Variants in PTPRK observed in about 807,000 individuals in gnomAD.
PTPRK encodes receptor-type tyrosine-protein phosphatase kappa.
A neutral mutation model predicts 178.0 loss-of-function variants in PTPRK; 75 were observed. That is an observed-to-expected ratio of 0.42 (90% CI 0.35 to 0.51). The LOEUF (loss-of-function observed/expected upper bound fraction) is 0.51. PTPRK is among the 20% of genes least tolerant of loss of function. The probability of loss-of-function intolerance (pLI) is 0.02; values close to 1 mark genes in which losing one functional copy is unlikely to be tolerated. For synonymous variants in PTPRK, 637 were observed against 620.6 expected, an observed-to-expected ratio of 1.03 and a Z score of -0.39; for missense variants, 1,441 against 1,797.8, an observed-to-expected ratio of 0.80 and a Z score of 3.59.
intron 7 of PTPRK, among the ~76,000 whole-genome samples, chr6:128,142,501 A>C (rs9402020): frequency 3.9e-5 from 5 of 129,404 alleles, no homozygotes; most frequent in Non-Finnish European, 1.7e-5. Context: ...AAATTCTCCC[A>C]TGTGTGTGTG....
chr6:128,100,430 T>C (rs1018680405), intron 7 of PTPRK, among the ~76,000 whole-genome samples: 2 of 152,026 alleles, frequency 1.3e-5, no homozygotes, highest in African/African-American at 4.8e-5. Flanking sequence ...ATTCTCACTT[T>C]AAAAGCTTTC....
At chr6:128,214,513 A>T (rs1024306784) in intron 6 of PTPRK, among the ~76,000 whole-genome samples, 1 of 152,072 alleles carries the variant, frequency 6.6e-6, no homozygotes, top group Non-Finnish European at 1.5e-5. Flanking sequence ...TCTACTGGAC[A>T]TACTAGCTGT....
intron 2 of PTPRK, among the ~76,000 whole-genome samples, chr6:128,354,977 A>C (rs541796570): frequency 6.6e-6 from 1 of 152,368 alleles, no homozygotes; most frequent in East Asian, 1.9e-4. Flanking sequence ...CAAATATTTT[A>C]CAGAAACCAG....
At chr6:128,417,162 T>C (rs558322121) in intron 1 of PTPRK, among the ~76,000 whole-genome samples, 31 of 152,134 alleles carry the variant, frequency 2.0e-4, no homozygotes, top group Middle Eastern at 3.4e-3. Flanking sequence ...TTCCTTTTTT[T>C]TCTTGAGCTA....
intron 7 of PTPRK, among the ~76,000 whole-genome samples, chr6:128,167,416 A>G (rs1018724440): frequency 1.6e-4 from 25 of 151,942 alleles, no homozygotes; most frequent in Admixed American, 1.4e-3. Flanking sequence ...GGAATGTATA[A>G]AATTGTTTTC....
intron 13 of PTPRK, among the ~76,000 whole-genome samples, chr6:128,032,083 C>T (rs1391363149): frequency 6.6e-6 from 1 of 152,208 alleles, no homozygotes; most frequent in Non-Finnish European, 1.5e-5. Flanking sequence ...GCTGTGTCTG[C>T]TCTGATCGCA....
chr6:128,386,012 A>AT (rs1352061765), intron 2 of PTPRK, among the ~76,000 whole-genome samples: 3 of 152,124 alleles, frequency 2.0e-5, no homozygotes, highest in Non-Finnish European at 4.4e-5. Flanking sequence ...TGTTTGGGAG[A>AT]TTTTCAGTAT....
At chr6:128,088,735 T>C (rs1786393306) in intron 8 of PTPRK, among the ~76,000 whole-genome samples, 1 of 152,216 alleles carries the variant, frequency 6.6e-6, no homozygotes, top group African/African-American at 2.4e-5. Flanking sequence ...ATTAAAATAC[T>C]AATATAAATA....
At chr6:128,264,259 A>G (rs1353510980) in intron 3 of PTPRK, among the ~76,000 whole-genome samples, 5 of 152,176 alleles carry the variant, frequency 3.3e-5, no homozygotes, top group Non-Finnish European at 5.9e-5. Flanking sequence ...GAAATTAAAA[A>G]TAAGCAAAGA....
chr6:128,520,480 C>A lies in PTPRK; in HGVS notation c.-122G>T, dbSNP rs1858895633. 2.3e-6 allele frequency: 2 copies of A among 876,108 alleles called. No individual in the cohort carries two copies. Among genetic ancestry groups the A allele is most frequent in the South Asian group, 1.6e-5 (1 of 61,212 alleles). 54.3% of individuals were successfully genotyped at this position (876,108 alleles called of 1,614,324 possible). Reference sequence around the variant, plus strand: ...TGAGGACGGTGAGAGGACAGCCGCCCGCCCGCCCTTTTTCCTTCTTCGCGG... The same window carrying A: ...TGAGGACGGTGAGAGGACAGCCGCCAGCCCGCCCTTTTTCCTTCTTCGCGG... On this transcript the variant is annotated 5_prime_UTR_variant, in exon 1 of 30. Coordinates refer to ENST00000368226, the MANE Select transcript of PTPRK (RefSeq NM_002844.4).
At position 128,435,529 on chromosome 6, in the gene PTPRK, G is replaced by A. The variant is rs572264752; in HGVS notation, c.101-37841C>T. 2.0e-5 allele frequency among the ~76,000 whole-genome samples: 3 copies of A among 152,290 alleles called. No homozygotes were observed. In the South Asian group the frequency reaches 6.2e-4, roughly 32 times the overall value. Reference sequence around the variant, plus strand: ...TTGAATTTACTACAGCACCGAGGAAGAGGCTGGGCAAAGACCAAGAGTCGC... The same window carrying A: ...TTGAATTTACTACAGCACCGAGGAAAAGGCTGGGCAAAGACCAAGAGTCGC... On this transcript the variant is annotated intron_variant, in intron 1 of 29. Coordinates refer to ENST00000368226, the MANE Select transcript of PTPRK (RefSeq NM_002844.4).
rs939854951 is a variant in PTPRK, at chr6:128,038,334, T to A, written c.2194+26424A>T. Among the ~76,000 whole-genome samples, 14 of 152,296 alleles carry A rather than the reference T, an allele frequency of 9.2e-5. No individual in the cohort carries two copies. The East Asian group carries it at 1.7e-3, about 19-fold the overall frequency. ...ATAGCAACTTTAAGTTAACATTTTTTAAAAAAATTATCTTAGTAGTGAATT... is the reference window on the plus strand; with the variant it reads ...ATAGCAACTTTAAGTTAACATTTTTAAAAAAAATTATCTTAGTAGTGAATT... On this transcript the variant is annotated intron_variant, in intron 13 of 29. Coordinates refer to ENST00000368226, the MANE Select transcript of PTPRK (RefSeq NM_002844.4).
chr6:128,150,639 TTATAA>T, intron 7 of PTPRK, among the ~76,000 whole-genome samples: 1 of 152,256 alleles, frequency 6.6e-6, no homozygotes, highest in East Asian at 1.9e-4. Flanking sequence ...ATGTGCCCTG[TTATAA>T]TATTATATAA....
chr6:128,138,055 T>C (rs1795267224), intron 7 of PTPRK, among the ~76,000 whole-genome samples: 2 of 152,126 alleles, frequency 1.3e-5, no homozygotes. Flanking sequence ...AGACTTATTA[T>C]TATCAAGGAA....
intron 1 of PTPRK, among the ~76,000 whole-genome samples, chr6:128,443,979 A>G (rs1846620792): frequency 6.6e-6 from 1 of 152,080 alleles, no homozygotes; most frequent in Non-Finnish European, 1.5e-5. Flanking sequence ...CAGACTCACG[A>G]GTAGCTGGGA....
At chr6:128,362,549 T>C (rs1220468557) in intron 2 of PTPRK, among the ~76,000 whole-genome samples, 2 of 152,346 alleles carry the variant, frequency 1.3e-5, no homozygotes, top group South Asian at 2.1e-4. Flanking sequence ...AATTATGCTC[T>C]TAAAGTGATT....
intron 13 of PTPRK, among the ~76,000 whole-genome samples, chr6:128,019,445 C>T (rs1773118220): frequency 6.6e-6 from 1 of 151,700 alleles, no homozygotes; most frequent in Non-Finnish European, 1.5e-5. Context: ...GGCAGTCAGT[C>T]ACATTCTTTT....
intron 4 of PTPRK, among the ~76,000 whole-genome samples, chr6:128,242,294 T>C (rs1428405605): frequency 3.3e-5 from 5 of 152,224 alleles, no homozygotes. Flanking sequence ...AATGAAATAA[T>C]TTAAAAGAAT....
chr6:128,434,372 A>C (rs1292135763), intron 1 of PTPRK, among the ~76,000 whole-genome samples: 3 of 152,176 alleles, frequency 2.0e-5, no homozygotes, highest in Non-Finnish European at 2.9e-5. Flanking sequence ...CTAATAATAC[A>C]AATAACTGAA....
Sources: allele counts gnomAD v4.1 joint callset (sites outside exome capture counted in the v4.1 genomes callset), GRCh38; gene constraint gnomAD v4.1.1; transcripts MANE v1.5; gene names NCBI Gene and HGNC (gene_info 2026-07-23, HGNC 2026-07-21).